Variants in ERC2 observed in about 807,000 individuals in gnomAD.
ERC2 encodes the protein ERC protein 2.
ERC2 carries 42 observed loss-of-function variants against 114.8 expected under a neutral mutation model. That is an observed-to-expected ratio of 0.37 (90% CI 0.29 to 0.47). ERC2 has a LOEUF of 0.47. Among genes scored for constraint, ERC2 ranks in the 20% least tolerant of loss-of-function variants. ERC2 has a pLI of 0.99. For missense variants in ERC2, 939 were observed against 1,150.7 expected, an observed-to-expected ratio of 0.82 and a Z score of 2.66; for synonymous variants, 454 against 425.5, an observed-to-expected ratio of 1.07 and a Z score of -0.82.
Position 56,010,450 on chromosome 3 carries a change from T to G in ERC2, c.1919A>C (p.Glu640Ala). The G allele has an allele frequency of 6.2e-7, 1 of 1,612,652 alleles. No homozygotes were observed. The highest frequency in any genetic ancestry group is 8.5e-7 in the Non-Finnish European group (1 of 1,179,382). ...NALQAELTEK[E>A]SSLIDLKEHA... ...GTTCATTTGTTTTTCCAGACTCACCTCTTTCTCAGTCAGTTCAGCCTGTAA... is the reference window on the plus strand; with the variant it reads ...GTTCATTTGTTTTTCCAGACTCACCGCTTTCTCAGTCAGTTCAGCCTGTAA... The change falls in exon 9 of 18, where the codon GAG becomes GCG. Residue 640 changes from glutamate to alanine, a missense_variant and splice_region_variant. Coordinates refer to ENST00000288221, the MANE Select transcript of ERC2 (RefSeq NM_015576.3).
intron 2 of ERC2, among the ~76,000 whole-genome samples, chr3:56,315,594 A>T (rs1476879637): frequency 6.6e-6 from 1 of 152,200 alleles, no homozygotes; most frequent in Non-Finnish European, 1.5e-5. Flanking sequence ...GATATATTTC[A>T]TATGCTTTAA....
intron 16 of ERC2, 86 bp downstream of exon 16, chr3:55,699,292 T>G: frequency 2.0e-6 from 3 of 1,520,458 alleles, no homozygotes; most frequent in South Asian, 1.1e-5. Context: ...TTTATGATGT[T>G]TATTATTTCT....
rs150672097 is a variant in ERC2 at position 55,603,866 on chromosome 3, A to G, written c.*39+79928T>C. On this transcript the variant is annotated intron_variant, in intron 17 of 17. Transcript: ENST00000288221. The stretch of plus-strand genomic sequence containing the variant: ...GGCATTCATAGATAATCTTTTAAAA[A>G]GACAAAATCCAATGAATATGGTCAC... 8.0e-3 allele frequency among the ~76,000 whole-genome samples: 1,215 copies of G among 152,256 alleles called. 16 individuals carry two copies. Among genetic ancestry groups the G allele is most frequent in the African/African-American group, 0.027 (1,138 of 41,548 alleles).
In ERC2 at chr3:55,701,268, G is replaced by T. The variant is rs1285602754; in HGVS notation, c.2713-1756C>A. Among the ~76,000 whole-genome samples, 2 of 152,284 alleles carry T rather than the reference G, an allele frequency of 1.3e-5. 1 individual carries two copies. Among genetic ancestry groups the T allele is most frequent in the Middle Eastern group, 6.8e-3 (2 of 294 alleles). ...CTCATTTGGCAGCTAGAAAAGTAAGGTGTAGATTTCAGCCCCAAGAGTCTC... is the reference window on the plus strand; with the variant it reads ...CTCATTTGGCAGCTAGAAAAGTAAGTTGTAGATTTCAGCCCCAAGAGTCTC... On this transcript the variant is annotated intron_variant, in intron 15 of 17. Transcript: ENST00000288221.
intron 1 of ERC2, among the ~76,000 whole-genome samples, chr3:56,455,771 T>TA (rs1330858876): frequency 6.6e-6 from 1 of 152,188 alleles, no homozygotes; most frequent in African/African-American, 2.4e-5. Flanking sequence ...AGGAAGAGAC[T>TA]AAAAAAATCT....
intron 7 of ERC2, among the ~76,000 whole-genome samples, chr3:56,071,300 A>T (rs1305366772): frequency 6.6e-6 from 1 of 152,214 alleles, no homozygotes; most frequent in African/African-American, 2.4e-5. Context: ...GAAAAGTGTA[A>T]TCAGATTCAG....
At position 56,196,584 on chromosome 3, in the gene ERC2, T is replaced by G. The variant is rs187555373; in HGVS notation, c.1075-23064A>C. Reference sequence around the variant, plus strand: ...TATAAGGGAAACTGAATAAACTGCTTTAAAAACCATCAACCTGTCCACAAA... The same window carrying G: ...TATAAGGGAAACTGAATAAACTGCTGTAAAAACCATCAACCTGTCCACAAA... On this transcript the variant is annotated intron_variant, in intron 3 of 17. Transcript: ENST00000288221. Among the ~76,000 whole-genome samples the G allele has an allele frequency of 9.3e-4, 141 of 152,038 alleles. 2 individuals carry two copies. Among genetic ancestry groups the G allele is most frequent in the Non-Finnish European group, 8.8e-5 (6 of 67,988 alleles).
chr3:56,313,147 A>G (rs1406782654), intron 2 of ERC2, among the ~76,000 whole-genome samples: 2 of 150,060 alleles, frequency 1.3e-5, no homozygotes, highest in Non-Finnish European at 3.0e-5. Flanking sequence ...ACAAAAAAAA[A>G]AGAGAGGAAA....
chr3:55,871,052 G>T (rs1169412628), intron 14 of ERC2, among the ~76,000 whole-genome samples: 1 of 152,152 alleles, frequency 6.6e-6, no homozygotes, highest in African/African-American at 2.4e-5. Flanking sequence ...TCAACCCAGT[G>T]ATATCCCTGG....
chr3:55,872,260 C>A (rs532865915), intron 14 of ERC2, among the ~76,000 whole-genome samples: 1 of 152,284 alleles, frequency 6.6e-6, no homozygotes, highest in East Asian at 1.9e-4. Flanking sequence ...GAAACCACTA[C>A]TCATCAACAC....
intron 2 of ERC2, among the ~76,000 whole-genome samples, chr3:56,404,630 C>A (rs1033433827): frequency 6.6e-6 from 1 of 151,860 alleles, no homozygotes; most frequent in Non-Finnish European, 1.5e-5. Flanking sequence ...CCATTTTACA[C>A]GTGATTATTA....
At chr3:56,284,429 A>G (rs561767308) in intron 3 of ERC2, among the ~76,000 whole-genome samples, 96 of 152,372 alleles carry the variant, frequency 6.3e-4, no homozygotes, top group African/African-American at 2.1e-3. Context: ...AGAGCAAAGC[A>G]TGTGTGGTCA....
chr3:55,906,401 C>A (rs1247910277), intron 13 of ERC2, among the ~76,000 whole-genome samples: 1 of 137,800 alleles, frequency 7.3e-6, no homozygotes, highest in African/African-American at 2.8e-5. Flanking sequence ...CACTGCACTC[C>A]AGCCTGGGTG....
At chr3:55,614,749 T>A (rs529420075) in intron 17 of ERC2, among the ~76,000 whole-genome samples, 1 of 152,328 alleles carries the variant, frequency 6.6e-6, no homozygotes, top group South Asian at 2.1e-4. Flanking sequence ...AGTATTATCA[T>A]CCTCATTTTT....
intron 2 of ERC2, among the ~76,000 whole-genome samples, chr3:56,331,380 T>A (rs374718421): frequency 6.6e-6 from 1 of 152,158 alleles, no homozygotes; most frequent in Non-Finnish European, 1.5e-5. Flanking sequence ...TGGCTATATA[T>A]CCCCAGCTGT....
intron 2 of ERC2, among the ~76,000 whole-genome samples, chr3:56,418,722 G>T (rs1413732367): frequency 6.6e-6 from 1 of 152,146 alleles, no homozygotes; most frequent in African/African-American, 2.4e-5. Flanking sequence ...TTGTAGTTAG[G>T]TGGGTACACT....
At chr3:55,952,161 ACACACACACACACACACACTCT>A (rs2067574103) in intron 12 of ERC2, among the ~76,000 whole-genome samples, 2 of 66,796 alleles carry the variant, frequency 3.0e-5, no homozygotes, top group Non-Finnish European at 6.7e-5. Flanking sequence ...ACACACACAC[ACACACACACACACACACACTCT>A]CTCTCTCTCT....
Position 56,092,794 on chromosome 3 carries a change from C to A in ERC2, c.1474-11810G>T, listed in dbSNP as rs113410302. ...AAACATTTGCTATTACGGAAAAAAA[C>A]AAGTTTAAGAAAATACCATGTGTCA... On this transcript the variant is annotated intron_variant, in intron 6 of 17. Coordinates refer to ENST00000288221, the MANE Select transcript of ERC2 (RefSeq NM_015576.3). 8.8e-3 allele frequency among the ~76,000 whole-genome samples: 1,332 copies of A among 152,216 alleles called. 17 individuals are homozygous for A. The highest frequency in any genetic ancestry group is 0.03 in the African/African-American group (1,255 of 41,534).
At chr3:55,750,784 G>A (rs17842429) in intron 14 of ERC2, among the ~76,000 whole-genome samples, 2,056 of 152,314 alleles carry the variant, frequency 0.013, 51 homozygotes, top group African/African-American at 0.047. Context: ...AAGTGCCAAC[G>A]GAAAGACTGG....
Sources: allele counts gnomAD v4.1 joint callset (sites outside exome capture counted in the v4.1 genomes callset), GRCh38; gene constraint gnomAD v4.1.1; transcripts MANE v1.5; gene names NCBI Gene and HGNC (gene_info 2026-07-23, HGNC 2026-07-21).